SLC4A10: variants seen among roughly 807,000 people sequenced by gnomAD.
SLC4A10 encodes solute carrier family 4 member 10.
In SLC4A10, 42 loss-of-function variants were observed where a neutral mutation model predicts 137.7. The observed-to-expected ratio is 0.30, with a 90% CI of 0.24 to 0.39. SLC4A10 has a LOEUF of 0.39. Among genes scored for constraint, SLC4A10 ranks in the 10% least tolerant of loss-of-function variants. The probability of loss-of-function intolerance (pLI) is 1.00; values close to 1 mark genes in which losing one functional copy is unlikely to be tolerated. For synonymous variants in SLC4A10, 474 were observed against 464.1 expected (o/e 1.02, Z -0.27); for missense variants, 925 against 1,355.0 (o/e 0.68, Z 4.98).
chr2:161,904,556 G>A (rs185178678), intron 13 of SLC4A10, among the ~76,000 whole-genome samples: 2 of 152,182 alleles, frequency 1.3e-5, no homozygotes, highest in Non-Finnish European at 2.9e-5. Flanking sequence ...AGAGACGTGA[G>A]ATAGGAAAGT....
intron 3 of SLC4A10, among the ~76,000 whole-genome samples, chr2:161,836,929 G>T (rs887538572): frequency 1.3e-5 from 2 of 152,174 alleles, no homozygotes; most frequent in Non-Finnish European, 2.9e-5. Flanking sequence ...AGAACATTTA[G>T]TCCAGGATTC....
intron 15 of SLC4A10, among the ~76,000 whole-genome samples, chr2:161,933,016 C>T (rs1690700474): frequency 6.6e-6 from 1 of 152,112 alleles, no homozygotes. Context: ...ACATAATGTC[C>T]TTGAAATTCA....
chr2:161,821,713 CTA>C (rs1199899208), intron 3 of SLC4A10, among the ~76,000 whole-genome samples: 1 of 152,026 alleles, frequency 6.6e-6, no homozygotes, highest in African/African-American at 2.4e-5. Context: ...TTTAAGGTGT[CTA>C]TTTTTAATAG....
chr2:161,948,904 G>A (rs914813841), intron 17 of SLC4A10, among the ~76,000 whole-genome samples: 3 of 151,972 alleles, frequency 2.0e-5, no homozygotes, highest in African/African-American at 4.8e-5. Context: ...GCACAACCAC[G>A]ATGTAGCTAT....
chr2:161,721,043 G>T (rs1264047428), intron 1 of SLC4A10, among the ~76,000 whole-genome samples: 1 of 152,074 alleles, frequency 6.6e-6, no homozygotes, highest in African/African-American at 2.4e-5. Flanking sequence ...TGATCAGGCT[G>T]GTCTTGAACT....
At chr2:161,673,270 C>A (rs555693864) in intron 1 of SLC4A10, among the ~76,000 whole-genome samples, 3 of 152,244 alleles carry the variant, frequency 2.0e-5, no homozygotes, top group African/African-American at 7.2e-5. Flanking sequence ...GTAAGTCACA[C>A]AATGCATTCA....
At position 161,964,029 on chromosome 2, in the gene SLC4A10, A is replaced by C. The variant is rs996892825; in HGVS notation, c.2863-106A>C. On this transcript the variant is annotated intron_variant, in intron 21 of 26. Coordinates refer to ENST00000446997, the MANE Select transcript of SLC4A10 (RefSeq NM_001178015.2). ...CCGAGATATCAACTTAGTGTTATCC[A>C]GGTATGTCATTTAACCCAAAATTGT... 9 of 819,108 alleles carry C rather than the reference A, an allele frequency of 1.1e-5. No individual in the cohort carries two copies. In the African/African-American group the frequency reaches 1.4e-4, roughly 13 times the overall value. The allele number at this position is 819,108 out of a possible 1,614,324, so 50.7% of individuals were successfully genotyped here.
In SLC4A10 at chr2:161,886,769, A is replaced by T. The variant is rs896316446; in HGVS notation, c.1194+4325A>T. 5.3e-5 allele frequency among the ~76,000 whole-genome samples: 8 copies of T among 152,024 alleles called. 1 individual carries two copies. Among genetic ancestry groups the T allele is most frequent in the Non-Finnish European group, 7.4e-5 (5 of 67,974 alleles). On this transcript the variant is annotated intron_variant, in intron 10 of 26. Transcript: ENST00000446997. ...TGTTTGGTGGCTGTCTCAACCCCCA[A>T]ATCATCAATCTTAATTTTTTTTGTT...
At position 161,942,764 on chromosome 2, in the gene SLC4A10, C is replaced by T. The variant is rs1249502650; in HGVS notation, c.1998-28C>T. On this transcript the variant is annotated intron_variant, in intron 15 of 26. Transcript: ENST00000446997. ...TACAGTCACAAAAAGCTACTTATTT[C>T]ACAAAAGACACTATTTTGCCTTTTC... 4 of 1,546,874 alleles carry T rather than the reference C, an allele frequency of 2.6e-6. No individual in the cohort carries two copies. The East Asian group carries it at 9.4e-5, about 36-fold the overall frequency.
chr2:161,780,165 G>T (rs1049014050), intron 2 of SLC4A10, among the ~76,000 whole-genome samples: 11 of 152,042 alleles, frequency 7.2e-5, no homozygotes, highest in African/African-American at 2.7e-4. Flanking sequence ...GCACAGTGGA[G>T]TGTGAATTAT....
intron 9 of SLC4A10, among the ~76,000 whole-genome samples, chr2:161,879,989 A>G (rs1383914158): frequency 6.6e-6 from 1 of 152,064 alleles, no homozygotes; most frequent in Admixed American, 6.6e-5. Flanking sequence ...TAAAACTGTA[A>G]AAAAAAGAAA....
chr2:161,758,151 CATT>C (rs2049869038), intron 1 of SLC4A10, among the ~76,000 whole-genome samples: 2 of 151,660 alleles, frequency 1.3e-5, no homozygotes, highest in Non-Finnish European at 3.0e-5. Flanking sequence ...AATGTAGTGT[CATT>C]ATTTTAGTAA....
At chr2:161,765,197 A>G (rs2050666923) in intron 1 of SLC4A10, among the ~76,000 whole-genome samples, 2 of 152,196 alleles carry the variant, frequency 1.3e-5, no homozygotes, top group African/African-American at 4.8e-5. Flanking sequence ...GTTTACACAT[A>G]TATAAGTATG....
chr2:161,777,485 TGCTGATA>T (rs1243083765), intron 2 of SLC4A10, among the ~76,000 whole-genome samples: 1 of 152,012 alleles, frequency 6.6e-6, no homozygotes, highest in East Asian at 1.9e-4. Context: ...ATTTTCACGC[TGCTGATA>T]AAAACATACC....
rs568096277 is a variant in SLC4A10 at position 161,733,661 on chromosome 2, T to G, written c.49-37312T>G. ...AGCCACTATCCTCCAGATCCCAGAA[T>G]AGTAGATTATGGGAGTACAATTCAA... is the stretch of plus-strand genomic sequence containing the variant. On this transcript the variant is annotated intron_variant, in intron 1 of 26. Transcript: ENST00000446997. Among the ~76,000 whole-genome samples the G allele has an allele frequency of 3.3e-5, 5 of 152,280 alleles. No individual in the cohort carries two copies. In the East Asian group the frequency reaches 9.7e-4, roughly 29 times the overall value.
intron 2 of SLC4A10, among the ~76,000 whole-genome samples, chr2:161,783,073 A>G (rs1457345904): frequency 6.6e-6 from 1 of 152,040 alleles, no homozygotes; most frequent in African/African-American, 2.4e-5. Flanking sequence ...AAAGAGAAAA[A>G]GCAACAAGGG....
chr2:161,872,495 C>A, intron 7 of SLC4A10, 111 bp downstream of exon 7: 56 of 605,772 alleles, frequency 9.2e-5, no homozygotes, highest in South Asian at 2.6e-4. Context: ...TGTTTCTTGT[C>A]AAAGCTTGAT....
intron 1 of SLC4A10, among the ~76,000 whole-genome samples, chr2:161,728,312 C>T (rs868284126): frequency 6.6e-6 from 1 of 152,160 alleles, no homozygotes; most frequent in Non-Finnish European, 1.5e-5. Flanking sequence ...TGGTGGCTCA[C>T]GCCTGTAATC....
At chr2:161,825,496 G>C (rs920033391) in intron 3 of SLC4A10, among the ~76,000 whole-genome samples, 2 of 151,966 alleles carry the variant, frequency 1.3e-5, no homozygotes, top group East Asian at 3.9e-4. Context: ...CATCCCCTAG[G>C]CATTCAGTTA....
Sources: allele counts gnomAD v4.1 joint callset (sites outside exome capture counted in the v4.1 genomes callset), GRCh38; gene constraint gnomAD v4.1.1; transcripts MANE v1.5; gene names NCBI Gene and HGNC (gene_info 2026-07-23, HGNC 2026-07-21).